ABCB4: variants seen among roughly 807,000 people sequenced by gnomAD.
ABCB4 encodes the protein ATP binding cassette subfamily B member 4.
Under a neutral mutation model 145.7 loss-of-function variants are expected in ABCB4, and 76 were observed. The ratio of observed to expected loss-of-function variants is 0.52; its 90% CI spans 0.43 to 0.63. The LOEUF (loss-of-function observed/expected upper bound fraction) is 0.63. Among genes scored for constraint, ABCB4 ranks in the 30% least tolerant of loss-of-function variants. ABCB4 has a pLI of 0.00. For synonymous variants in ABCB4, 517 were observed against 566.8 expected (o/e 0.91, Z 1.25); for missense variants, 1,234 against 1,553.1 (o/e 0.79, Z 3.45).
At chr7:87,453,892 T>C (rs1274655858) in intron 5 of ABCB4, among the ~76,000 whole-genome samples, 1 of 152,114 alleles carries the variant, frequency 6.6e-6, no homozygotes, top group Non-Finnish European at 1.5e-5. Flanking sequence ...CCACATTCTT[T>C]ATAAAAAGAA....
At chr7:87,413,893 G>A (rs910851606) in intron 21 of ABCB4, among the ~76,000 whole-genome samples, 176 bp from the exon 22 acceptor site, 4 of 152,164 alleles carry the variant, frequency 2.6e-5, no homozygotes, top group African/African-American at 9.7e-5. Context: ...GACAAAACTG[G>A]TACTTCTGGC....
At chr7:87,448,162 A>G (rs2116761628) in intron 8 of ABCB4, among the ~76,000 whole-genome samples, 1 of 152,234 alleles carries the variant, frequency 6.6e-6, no homozygotes, top group Admixed American at 6.5e-5. Context: ...TTCATACTAG[A>G]CCCAGAGGGT....
the ABCB4 span, chr7:87,375,970 T>C: frequency 3.4e-6 from 5 of 1,454,258 alleles, no homozygotes; most frequent in Non-Finnish European, 4.5e-6. Context: ...AACTACCTTC[T>C]CTTTTTTTTT....
the ABCB4 span, chr7:87,392,493 A>G: frequency 1.6e-5 from 19 of 1,170,550 alleles, no homozygotes; most frequent in Non-Finnish European, 2.3e-5. Context: ...CCTAATTACA[A>G]TGAGCTTAGG....
At chr7:87,417,182 A>G (rs1809035243) in intron 21 of ABCB4, 130 bp downstream of exon 21, 1 of 840,002 alleles carries the variant, frequency 1.2e-6, no homozygotes, top group African/African-American at 1.7e-5. Flanking sequence ...TTCATACACA[A>G]TTGACAATTA....
chr7:87,453,060 C>G lies in ABCB4; in HGVS notation c.420G>C (p.Leu140Phe). ...AAYIQVSFWT[L>F]AAGRQIRKIR... Reference sequence around the variant, plus strand: ...TTTTCCTGATCTGTCGACCAGCTGCCAAAGTCCAAAATGAAACTTGTATAT... The same window carrying G: ...TTTTCCTGATCTGTCGACCAGCTGCGAAAGTCCAAAATGAAACTTGTATAT... The change falls in exon 6 of 28, where the codon TTG (leucine) becomes TTC (phenylalanine). Residue 140 changes from leucine (L) to phenylalanine (F), a missense_variant. Coordinates refer to ENST00000649586, the MANE Select transcript of ABCB4 (RefSeq NM_000443.4). 1 of 1,614,030 alleles carries G rather than the reference C, an allele frequency of 6.2e-7. No individual in the cohort carries two copies. The highest frequency in any genetic ancestry group is 8.5e-7 in the Non-Finnish European group (1 of 1,180,018).
the ABCB4 span, among the ~76,000 whole-genome samples, chr7:87,381,500 C>G: frequency 3.9e-5 from 6 of 152,316 alleles, no homozygotes; most frequent in South Asian, 1.2e-3. Flanking sequence ...CATGCCCATC[C>G]CAAATGCTTT....
the ABCB4 span, among the ~76,000 whole-genome samples, chr7:87,366,393 A>T: frequency 6.6e-6 from 1 of 151,884 alleles, no homozygotes; most frequent in East Asian, 1.9e-4. Flanking sequence ...TCACCACTAC[A>T]TTGTTGCAGT....
intron 2 of ABCB4, among the ~76,000 whole-genome samples, chr7:87,473,764 T>C (rs1303982037): frequency 6.6e-6 from 1 of 152,142 alleles, no homozygotes; most frequent in Non-Finnish European, 1.5e-5. Flanking sequence ...TTTATATATA[T>C]ATGATGATTT....
At chr7:87,416,540 C>T (rs1211237764) in intron 21 of ABCB4, among the ~76,000 whole-genome samples, 1 of 152,168 alleles carries the variant, frequency 6.6e-6, no homozygotes, top group Non-Finnish European at 1.5e-5. Flanking sequence ...TGGTTATAAT[C>T]TACATGTGAA....
intron 26 of ABCB4, 84 bp from the exon 27 acceptor site, chr7:87,403,365 G>T: frequency 2.4e-6 from 3 of 1,272,092 alleles, no homozygotes; most frequent in Non-Finnish European, 3.4e-6. Flanking sequence ...AACATTTAGA[G>T]TCAATAACAG....
chr7:87,375,753 G>A, the ABCB4 span: 1 of 1,612,194 alleles, frequency 6.2e-7, no homozygotes, highest in Non-Finnish European at 8.5e-7. Context: ...TCTTAACGAA[G>A]CTTTTCTCTA....
At position 87,413,684 on chromosome 7, in the gene ABCB4, C is replaced by T; in HGVS notation, c.2716G>A (p.Val906Ile). 6.2e-7 allele frequency: 1 copy of T among 1,612,742 alleles called. No individual in the cohort carries two copies. The highest frequency in any genetic ancestry group is 1.1e-5 in the South Asian group (1 of 91,040). Residue 906 changes from valine (V) to isoleucine (I), a missense_variant, in exon 22 of 28, where the codon GTT becomes ATT. Coordinates refer to ENST00000649586, the MANE Select transcript of ABCB4 (RefSeq NM_000443.4). ...ATEAIENIRT[V>I]VSLTQERKFE... is the part of the protein sequence containing the mutation. ...TTTCTTTCCTGGGTCAAAGACACAA[C>T]TGTCCTAATATTTTCTATTGCCTCT...
the ABCB4 span, among the ~76,000 whole-genome samples, chr7:87,378,180 C>T: frequency 6.6e-6 from 1 of 151,776 alleles, no homozygotes. Flanking sequence ...CCCGTCTCTA[C>T]AAAAAATACA....
At chr7:87,407,889 A>G in intron 25 of ABCB4, 148 bp downstream of exon 25, 1 of 943,494 alleles carries the variant, frequency 1.1e-6, no homozygotes, top group Non-Finnish European at 1.6e-6. Flanking sequence ...TATTTCCCAG[A>G]TATGGTGCCA....
At position 87,455,271 on chromosome 7, in the gene ABCB4, G is replaced by T. The variant is rs569863115; in HGVS notation, c.287-679C>A. On this transcript the variant is annotated intron_variant, in intron 4 of 27. Coordinates refer to ENST00000649586, the MANE Select transcript of ABCB4 (RefSeq NM_000443.4). ...TTTTTGAAGCAGTATTAATTGGAAA[G>T]AAATCTATTGTCTATTAATTTGAGC... Among the ~76,000 whole-genome samples the T allele has an allele frequency of 9.2e-5, 14 of 152,282 alleles. No homozygotes were observed. In the East Asian group the frequency reaches 2.5e-3, roughly 27 times the overall value.
rs772694120 is a variant in ABCB4 at position 87,413,604 on chromosome 7, T to C, written c.2783+13A>G. On this transcript the variant is annotated intron_variant, in intron 22 of 27. Transcript: ENST00000649586. ...AGCACTAGGTTCTTAGCAGGAATCA[T>C]ATGGTTCATTACCTGTAAGGTCCAT... is the stretch of plus-strand genomic sequence containing the variant. 1.3e-6 allele frequency: 2 copies of C among 1,516,324 alleles called. No individual in the cohort carries two copies. The highest frequency in any genetic ancestry group is 2.3e-5 in the East Asian group (1 of 44,368). 93.9% of individuals were successfully genotyped at this position (1,516,324 alleles called of 1,614,324 possible). A position where few individuals can be genotyped will look rare whatever the true frequency, so the allele number is the denominator to read the frequency against.
chr7:87,431,602 T>C lies in ABCB4; in HGVS notation c.1732-37A>G, dbSNP rs3827651. On this transcript the variant is annotated intron_variant, in intron 14 of 27. Coordinates refer to ENST00000649586, the MANE Select transcript of ABCB4 (RefSeq NM_000443.4). ...AAAATGTGGTGCATCAGGGTTACAG[T>C]ATTGGCACACTGTCAATTAACATGC... 3.7e-4 allele frequency: 599 copies of C among 1,613,242 alleles called. 8 individuals carry two copies. In the East Asian group the frequency reaches 0.012, roughly 33 times the overall value.
chr7:87,407,944 G>T, intron 25 of ABCB4, 93 bp downstream of exon 25: 1 of 1,516,070 alleles, frequency 6.6e-7, no homozygotes. Flanking sequence ...CAGGATTCTA[G>T]GTCTACATTT....
Sources: allele counts gnomAD v4.1 joint callset (sites outside exome capture counted in the v4.1 genomes callset), GRCh38; gene constraint gnomAD v4.1.1; transcripts MANE v1.5; gene names NCBI Gene and HGNC (gene_info 2026-07-23, HGNC 2026-07-21).